EPS8L1: variants seen among roughly 807,000 people sequenced by gnomAD.
The protein encoded by EPS8L1 is epidermal growth factor receptor kinase substrate 8-like protein 1.
A neutral mutation model predicts 91.7 loss-of-function variants in EPS8L1; 101 were observed. The observed-to-expected ratio is 1.10, with a 90% CI of 0.94 to 1.30. The LOEUF is 1.30. EPS8L1 is among the 50% of genes most tolerant of loss of function. The pLI, the probability that EPS8L1 is intolerant of heterozygous loss-of-function variation, is 0.00. For missense variants in EPS8L1, 1,114 were observed against 1,017.0 expected, an observed-to-expected ratio of 1.10 and a Z score of -1.30; for synonymous variants, 506 against 445.3, an observed-to-expected ratio of 1.14 and a Z score of -1.72.
rs1219658804 is a variant in EPS8L1 at position 55,082,352 on chromosome 19, G to A, written c.1065+3G>A. On this transcript the variant is annotated splice_donor_region_variant and intron_variant, in intron 11 of 19. Transcript: ENST00000201647. Reference sequence around the variant, plus strand: ...TCCTTTTCGGGCCTCTGCAGATGGTGAGACCCGCCCCAGGCCCTCGGGCCC... The same window carrying A: ...TCCTTTTCGGGCCTCTGCAGATGGTAAGACCCGCCCCAGGCCCTCGGGCCC... The A allele has an allele frequency of 3.7e-6, 6 of 1,612,452 alleles. No individual in the cohort carries two copies. Among genetic ancestry groups the A allele is most frequent in the South Asian group, 1.1e-5 (1 of 91,076 alleles).
chr19:55,087,270 C>A (rs780726084), intron 18 of EPS8L1, 33 bp from the exon 19 acceptor site: 2 of 1,569,294 alleles, frequency 1.3e-6, no homozygotes, highest in Non-Finnish European at 1.7e-6. Context: ...ATCCGCCGAC[C>A]GGCCTGACCG....
intron 6 of EPS8L1, 84 bp downstream of exon 6, chr19:55,080,362 T>C: frequency 6.6e-7 from 1 of 1,506,122 alleles, no homozygotes; most frequent in Non-Finnish European, 8.9e-7. Flanking sequence ...GGCCTCTAGG[T>C]GGGGCGGGGC....
chr19:55,083,598 C>T lies in EPS8L1; in HGVS notation c.1357-18C>T. The T allele has an allele frequency of 9.4e-6, 15 of 1,596,976 alleles. No homozygotes were observed. Among genetic ancestry groups the T allele is most frequent in the Non-Finnish European group, 1.2e-5 (14 of 1,172,106 alleles). ...GTCCGCCTGGCCCCGCCTGACCCGA[C>T]TGTCTTACTTCCTACAGCAAAGCGC... On this transcript the variant is annotated intron_variant, in intron 13 of 19. Coordinates refer to ENST00000201647, the MANE Select transcript of EPS8L1 (RefSeq NM_133180.3). The surrounding 1 kb of genome is among the most constrained non-coding windows in gnomAD (Gnocchi z 4.7).
At chr19:55,076,543 AGCCCAGACTGTTTGCGGCG>A in intron 2 of EPS8L1, 82 bp downstream of exon 2, 10 of 1,513,472 alleles carry the variant, frequency 6.6e-6, no homozygotes, top group Non-Finnish European at 9.0e-6. Flanking sequence ...CGCTTGCGGC[AGCCCAGACTGTTTGCGGCG>A]GCCCAGACTC....
chr19:55,080,612 G>A (rs1165617037), intron 6 of EPS8L1, 160 bp from the exon 7 acceptor site: 2 of 1,586,170 alleles, frequency 1.3e-6, no homozygotes, highest in African/African-American at 2.7e-5. Context: ...GACAGGTGTA[G>A]GGCGAGGGGT....
chr19:55,087,067 T>C, intron 18 of EPS8L1, 179 bp downstream of exon 18: 2 of 1,062,060 alleles, frequency 1.9e-6, no homozygotes, highest in South Asian at 1.7e-5. Flanking sequence ...CCATGTTTTT[T>C]CAGACTCCGA....
At chr19:55,085,408 G>A (rs2076343652) in intron 14 of EPS8L1, among the ~76,000 whole-genome samples, 1 of 152,076 alleles carries the variant, frequency 6.6e-6, no homozygotes, top group Non-Finnish European at 1.5e-5. Flanking sequence ...CTCATGATCT[G>A]CCCGCCTCAG....
chr19:55,086,642 C>CCCCCCCCCCCCCAG, intron 17 of EPS8L1, 72 bp from the exon 18 acceptor site: 2 of 1,410,048 alleles, frequency 1.4e-6, no homozygotes, highest in Non-Finnish European at 1.9e-6. Flanking sequence ...AGCGCCCCCC[C>CCCCCCCCCCCCCAG]GCCCCGCCCT....
intron 9 of EPS8L1, 46 bp from the exon 10 acceptor site, chr19:55,082,046 G>A: frequency 6.4e-7 from 1 of 1,555,028 alleles, no homozygotes. Flanking sequence ...TGCCTGCCTG[G>A]TGCTGGCCCC....
intron 3 of EPS8L1, 74 bp downstream of exon 3, chr19:55,078,202 TGGA>T (rs1309699629): frequency 1.6e-5 from 23 of 1,444,896 alleles, no homozygotes; most frequent in Non-Finnish European, 2.0e-5. Context: ...TCCAGGGTCT[TGGA>T]GGAGGAGGGG....
chr19:55,079,103 G>A, intron 4 of EPS8L1, 46 bp downstream of exon 4: 1 of 1,599,016 alleles, frequency 6.3e-7, no homozygotes, highest in Non-Finnish European at 8.6e-7. Context: ...CTGGGGCAAA[G>A]GTGGCCTCAG....
rs1472118267 is a variant in EPS8L1 at position 55,081,742 on chromosome 19, G to T, written c.775-31G>T. On this transcript the variant is annotated intron_variant, in intron 8 of 19. Coordinates refer to ENST00000201647, the MANE Select transcript of EPS8L1 (RefSeq NM_133180.3). The surrounding 1 kb of genome is among the most constrained non-coding windows in gnomAD (Gnocchi z 4.9). ...ACGGGGATGGTTTTGGAACTCGGGA[G>T]CCCTGAGCGTCCCCCTCCTCTGTCC... 6.3e-7 allele frequency: 1 copy of T among 1,580,996 alleles called. No individual in the cohort carries two copies. Among genetic ancestry groups the T allele is most frequent in the Non-Finnish European group, 8.6e-7 (1 of 1,160,960 alleles).
chr19:55,083,374 G>A lies in EPS8L1; in HGVS notation c.1215-4G>A, dbSNP rs2076310909. Reference sequence around the variant, plus strand: ...TGAGCTCTTGGCCCTGTCCCTGGCCGCAGGCTGGAGCTGTCCCCGGAGGAG... The same window carrying A: ...TGAGCTCTTGGCCCTGTCCCTGGCCACAGGCTGGAGCTGTCCCCGGAGGAG... On this transcript the variant is annotated splice_polypyrimidine_tract_variant and splice_region_variant and intron_variant, in intron 12 of 19. Coordinates refer to ENST00000201647, the MANE Select transcript of EPS8L1 (RefSeq NM_133180.3). This position sits in a 1 kb window ranked among gnomAD's most constrained non-coding sequence, Gnocchi z 4.7. 1 of 1,611,672 alleles carries A rather than the reference G, an allele frequency of 6.2e-7. No individual in the cohort carries two copies. Among genetic ancestry groups the A allele is most frequent in the Non-Finnish European group, 8.5e-7 (1 of 1,178,882 alleles).
Position 55,081,864 on chromosome 19 carries a change from A to G in EPS8L1, c.866A>G (p.Glu289Gly), listed in dbSNP as rs1186827355. The G allele has an allele frequency of 6.2e-7, 1 of 1,609,172 alleles. No individual in the cohort carries two copies. The highest frequency in any genetic ancestry group is 2.2e-5 in the East Asian group (1 of 44,748). The change falls in exon 9 of 20, where the codon GAA becomes GGA. Residue 289 changes from glutamate (E) to glycine (G), a missense_variant. Glu to Gly is a moderately conservative substitution (Grantham distance 98). Coordinates refer to ENST00000201647, the MANE Select transcript of EPS8L1 (RefSeq NM_133180.3). This position sits in a 1 kb window ranked among gnomAD's most constrained non-coding sequence, Gnocchi z 4.9. ...GCGGCCAGGGTGCTGGAGCACCGGG[A>G]ACGCGGCCGCAGGAGCCGGCGCCGG... ...AEAARVLEHRERGRRSRRRAA... is the reference protein window; with the variant it reads ...AEAARVLEHRGRGRRSRRRAA...
intron 2 of EPS8L1, 23 bp from the exon 3 acceptor site, chr19:55,078,065 C>G (rs768638938): frequency 4.3e-6 from 7 of 1,613,520 alleles, no homozygotes; most frequent in Middle Eastern, 1.6e-4. Flanking sequence ...CACAGTCTCT[C>G]TCATTCCTCT....
In EPS8L1 at chr19:55,083,718, G is replaced by GC; in HGVS notation, c.1385+79dup. ...CCCGGGGGCTCCCGATGCTGACTCC[G>GC]CCCCCTTTTTTTCTGTGTTTTTCCT... On this transcript the variant is annotated intron_variant, in intron 14 of 19. Transcript: ENST00000201647. The surrounding 1 kb of genome is among the most constrained non-coding windows in gnomAD (Gnocchi z 4.7). 1 of 1,495,694 alleles carries GC rather than the reference G, an allele frequency of 6.7e-7. No homozygotes were observed. Among genetic ancestry groups the GC allele is most frequent in the Non-Finnish European group, 9.0e-7 (1 of 1,108,160 alleles). The allele number at this position is 1,495,694 out of a possible 1,614,324, so 92.7% of individuals were successfully genotyped here. A position where few individuals can be genotyped will look rare whatever the true frequency, so the allele number is the denominator to read the frequency against.
chr19:55,080,349 T>TGGGGCCTCTAGGTGGGGC (rs2076228481), intron 6 of EPS8L1, 71 bp downstream of exon 6: 1 of 1,504,688 alleles, frequency 6.6e-7, no homozygotes, highest in South Asian at 1.2e-5. Flanking sequence ...CGGAAATGGG[T>TGGGGCCTCTAGGTGGGGC]GGGGCCTCTA....
rs1031879690 is a variant in EPS8L1 at position 55,080,617 on chromosome 19, AG to A, written c.430-151del. ...TTAGGGCAGGGACAGGTGTAGGGCG[AG>A]GGGTGAGTTCGGGGCGTGGACGTGC... On this transcript the variant is annotated intron_variant, in intron 6 of 19. Coordinates refer to ENST00000201647, the MANE Select transcript of EPS8L1 (RefSeq NM_133180.3). 22 of 1,554,488 alleles carry A rather than the reference AG, an allele frequency of 1.4e-5. No homozygotes were observed. In the South Asian group the frequency reaches 2.2e-4, roughly 15 times the overall value.
At position 55,086,792 on chromosome 19, in the gene EPS8L1, C is replaced by T; in HGVS notation, c.1856C>T (p.Ala619Val). Residue 619 changes from alanine (A) to valine (V), a missense_variant, in exon 18 of 20, where the codon GCA becomes GTA. Ala to Val is a moderately conservative substitution (Grantham distance 64). Transcript: ENST00000201647. ...CAGGGCCGCTCGGGACCGAGCCGCG[C>T]AGTCCCAGGGCCCCGCGCCCCGGAA... The part of the protein sequence containing the change: ...LAQGRSGPSR[A>V]VPGPRAPEPQ... 1 of 1,605,134 alleles carries T rather than the reference C, an allele frequency of 6.2e-7. No individual in the cohort carries two copies. Among genetic ancestry groups the T allele is most frequent in the Non-Finnish European group, 8.5e-7 (1 of 1,176,550 alleles).
Sources: gnomAD v4.1 joint callset for allele counts (sites outside exome capture counted in the v4.1 genomes callset) on GRCh38, gnomAD v4.1.1 for gene constraint, Gnocchi (gnomAD v3.1) non-coding constraint, MANE v1.5 for transcripts, NCBI Gene and HGNC (gene_info 2026-07-23, HGNC 2026-07-21) for gene names.